The following SLC9C2 variants were observed in gnomAD, a reference collection of about 807,000 sequenced individuals.
The protein encoded by SLC9C2 is sodium/hydrogen exchanger 11.
Under a neutral mutation model 140.2 loss-of-function variants are expected in SLC9C2, and 75 were observed. The ratio of observed to expected loss-of-function variants is 0.53; its 90% confidence interval spans 0.44 to 0.65. The LOEUF is 0.65. Ranked by LOEUF, SLC9C2 falls within the 30% of genes least tolerant of loss-of-function variation. The probability of loss-of-function intolerance (pLI) is 0.00; values close to 1 mark genes in which losing one functional copy is unlikely to be tolerated. For synonymous variants in SLC9C2, 375 were observed against 420.9 expected, an observed-to-expected ratio of 0.89 and a Z score of 1.34; for missense variants, 1,074 against 1,331.8, an observed-to-expected ratio of 0.81 and a Z score of 3.01.
At chr1:173,564,749 T>C (rs186621449) in intron 9 of SLC9C2, among the ~76,000 whole-genome samples, 47 of 148,546 alleles carry the variant, frequency 3.2e-4, no homozygotes, top group Admixed American at 1.1e-3. Context: ...GCCATTCTCC[T>C]GCCTCAGCCT....
At chr1:173,541,364 C>T (rs1464801115) in intron 13 of SLC9C2, among the ~76,000 whole-genome samples, 1 of 152,060 alleles carries the variant, frequency 6.6e-6, no homozygotes, top group Non-Finnish European at 1.5e-5. Context: ...TAAAGCAAGT[C>T]CTTAGAGACC....
rs572766188 is a variant in SLC9C2 at position 173,532,667 on chromosome 1, C to T, written c.2163+942G>A. On this transcript the variant is annotated intron_variant, in intron 17 of 27. Coordinates refer to ENST00000367714, the MANE Select transcript of SLC9C2 (RefSeq NM_178527.4). The stretch of plus-strand genomic sequence containing the variant: ...TTGGGTTACCCTGCTTCTACTGGCA[C>T]CAAGATTTTTATTCTTTCACTCAAC... Among the ~76,000 whole-genome samples the T allele has an allele frequency of 7.2e-4, 110 of 152,248 alleles. No homozygotes were observed. In the South Asian group the frequency reaches 7.9e-3, roughly 11 times the overall value.
intron 7 of SLC9C2, among the ~76,000 whole-genome samples, chr1:173,579,053 G>A (rs1324415738): frequency 6.6e-6 from 1 of 152,176 alleles, no homozygotes; most frequent in African/African-American, 2.4e-5. Context: ...GTTGAAATCA[G>A]TATATATAGC....
At chr1:173,599,362 A>ATT (rs61579339) in intron 3 of SLC9C2, among the ~76,000 whole-genome samples, 22,040 of 67,142 alleles carry the variant, frequency 0.33, 8,892 homozygotes, top group South Asian at 0.47. Context: ...ATTTTCCTTG[A>ATT]TTTTTTTTTT....
chr1:173,513,996 T>C (rs926741475), intron 23 of SLC9C2, among the ~76,000 whole-genome samples: 1 of 152,256 alleles, frequency 6.6e-6, no homozygotes, highest in East Asian at 1.9e-4. Flanking sequence ...CCCTGAGTTC[T>C]AATTTGATTG....
chr1:173,590,242 C>CAAA (rs1276203820), intron 4 of SLC9C2, among the ~76,000 whole-genome samples: 1 of 95,528 alleles, frequency 1.0e-5, no homozygotes, highest in African/African-American at 3.2e-5. Flanking sequence ...GACTCCATCT[C>CAAA]AAAAAAAAAA....
chr1:173,562,862 TC>T (rs1314862574), intron 9 of SLC9C2, among the ~76,000 whole-genome samples: 1 of 152,150 alleles, frequency 6.6e-6, no homozygotes, highest in African/African-American at 2.4e-5. Flanking sequence ...AGAGAGCTGA[TC>T]CCTTCCCCCA....
intron 11 of SLC9C2, among the ~76,000 whole-genome samples, chr1:173,550,448 A>ATT (rs533259810): frequency 1.1e-4 from 16 of 143,902 alleles, no homozygotes; most frequent in African/African-American, 2.4e-4. Context: ...TTATTTATTT[A>ATT]TTTATTTTTG....
rs781626900 is a variant in SLC9C2 at position 173,548,395 on chromosome 1, G to A, written c.1455C>T (p.Tyr485=). 6.2e-7 allele frequency: 1 copy of A among 1,612,096 alleles called. No individual in the cohort carries two copies. Among genetic ancestry groups the A allele is most frequent in the Non-Finnish European group, 8.5e-7 (1 of 1,179,172 alleles). ...TTGCCAGGTATCAACTCACAGGAATGTATTCGATCCTCGTTTTATCTTCTA... is the reference window on the plus strand; with the variant it reads ...TTGCCAGGTATCAACTCACAGGAATATATTCGATCCTCGTTTTATCTTCTA... ...TLVEDKTRIE[Y]IPFSHVSHND... The change falls in exon 12 of 28, where the codon TAC becomes TAT. Residue 485 remains tyrosine, a synonymous_variant. Transcript: ENST00000367714.
At chr1:173,590,825 T>G (rs1666119463) in intron 4 of SLC9C2, among the ~76,000 whole-genome samples, 1 of 152,158 alleles carries the variant, frequency 6.6e-6, no homozygotes, top group East Asian at 1.9e-4. Flanking sequence ...CAAGATTTTA[T>G]CACACTACTC....
chr1:173,560,268 A>T (rs1664016275), intron 9 of SLC9C2, among the ~76,000 whole-genome samples: 1 of 152,188 alleles, frequency 6.6e-6, no homozygotes, highest in Admixed American at 6.5e-5. Context: ...TTTATAGTGG[A>T]TATTGTGGTG....
At chr1:173,501,701 G>A (rs1048721700) in intron 27 of SLC9C2, among the ~76,000 whole-genome samples, 17 of 151,626 alleles carry the variant, frequency 1.1e-4, no homozygotes, top group African/African-American at 1.7e-4. Context: ...GAGCCACCAC[G>A]CCAGACCAAT....
chr1:173,548,664 G>T, intron 11 of SLC9C2, 112 bp from the exon 12 acceptor site: 1 of 1,152,984 alleles, frequency 8.7e-7, no homozygotes. Flanking sequence ...CTGCAAACCA[G>T]AGTGGTTAGA....
At chr1:173,567,581 G>A (rs1218036299) in intron 9 of SLC9C2, among the ~76,000 whole-genome samples, 1 of 152,014 alleles carries the variant, frequency 6.6e-6, no homozygotes, top group Non-Finnish European at 1.5e-5. Flanking sequence ...GGAGACAACA[G>A]ATCATTGGGT....
intron 23 of SLC9C2, among the ~76,000 whole-genome samples, chr1:173,516,492 G>A (rs1660430271): frequency 6.6e-6 from 1 of 152,022 alleles, no homozygotes; most frequent in African/African-American, 2.4e-5. Flanking sequence ...AGGCCCCAGT[G>A]TGTTTTATTC....
Position 173,520,094 on chromosome 1 carries a change from G to C in SLC9C2, c.2739+1207C>G, listed in dbSNP as rs185225997. Among the ~76,000 whole-genome samples the C allele has an allele frequency of 4.0e-3, 604 of 152,278 alleles. 1 individual carries two copies. The highest frequency in any genetic ancestry group is 7.3e-3 in the Admixed American group (112 of 15,302). ...ACCCGACGGACAGACCTTGCAGTGA[G>C]CTGAGATGGTGTCACTGCACTCCAG... is the stretch of plus-strand genomic sequence containing the variant. On this transcript the variant is annotated intron_variant, in intron 22 of 27. Transcript: ENST00000367714.
intron 9 of SLC9C2, among the ~76,000 whole-genome samples, chr1:173,560,440 G>A (rs527785899): frequency 1.3e-5 from 2 of 152,284 alleles, no homozygotes; most frequent in Admixed American, 1.3e-4. Flanking sequence ...GATAGCCCTT[G>A]GCCAATGACT....
Position 173,534,651 on chromosome 1 carries a change from T to G in SLC9C2, c.1807A>C (p.Ile603Leu). The change falls in exon 16 of 28, where the codon ATA becomes CTA. Residue 603 changes from isoleucine (I) to leucine (L), a missense_variant. Physicochemically the swap from Ile to Leu is conservative, Grantham distance 5. Coordinates refer to ENST00000367714, the MANE Select transcript of SLC9C2 (RefSeq NM_178527.4). ...SNTFLTFIFH[I>L]VFSEEFEYTG... is the part of the protein sequence containing the mutation. Reference sequence around the variant, plus strand: ...TATTCAAATTCTTCAGAAAATACTATGTGAAATATAAAAGTCAGAAATGTA... The same window carrying G: ...TATTCAAATTCTTCAGAAAATACTAGGTGAAATATAAAAGTCAGAAATGTA... 1 of 1,539,672 alleles carries G rather than the reference T, an allele frequency of 6.5e-7. No individual in the cohort carries two copies. The highest frequency in any genetic ancestry group is 8.7e-7 in the Non-Finnish European group (1 of 1,144,154).
chr1:173,526,129 C>G (rs2101966904), intron 19 of SLC9C2, among the ~76,000 whole-genome samples: 1 of 151,264 alleles, frequency 6.6e-6, no homozygotes, highest in South Asian at 2.1e-4. Context: ...GCCCACAGCC[C>G]CCCATGAGAA....
Sources: allele counts gnomAD v4.1 joint callset (sites outside exome capture counted in the v4.1 genomes callset), GRCh38; gene constraint gnomAD v4.1.1; transcripts MANE v1.5; gene names NCBI Gene and HGNC (gene_info 2026-07-23, HGNC 2026-07-21).